VAPA: variants seen among roughly 807,000 people sequenced by gnomAD.
VAPA encodes VAMP associated protein A, also known as vesicle-associated membrane protein-associated protein A.
In VAPA, 6 loss-of-function variants were observed where a neutral mutation model predicts 25.6. The observed-to-expected ratio is 0.23, with a 90% CI of 0.13 to 0.46. VAPA has a LOEUF of 0.46. Ranked by LOEUF, VAPA falls within the 20% of genes least tolerant of loss-of-function variation. The probability of loss-of-function intolerance (pLI) is 0.99; values close to 1 mark genes in which losing one functional copy is unlikely to be tolerated. For missense variants in VAPA, 244 were observed against 302.1 expected, an observed-to-expected ratio of 0.81 and a Z score of 1.43; for synonymous variants, 112 against 106.2, an observed-to-expected ratio of 1.05 and a Z score of -0.34.
chr18:9,954,036 G>T lies in VAPA; in HGVS notation c.592-17G>T. ...GCTTGTTTTTAAAAACCTTTTGTGT[G>T]TGTGTTTTTTTTCTAGGATGAAGGT... On this transcript the variant is annotated splice_polypyrimidine_tract_variant and intron_variant, in intron 5 of 5. Transcript: ENST00000400000. 1 of 1,612,940 alleles carries T rather than the reference G, an allele frequency of 6.2e-7. No homozygotes were observed. The highest frequency in any genetic ancestry group is 1.1e-5 in the South Asian group (1 of 90,918).
intron 4 of VAPA, among the ~76,000 whole-genome samples, chr18:9,947,436 G>A (rs1019044792): frequency 6.6e-6 from 1 of 152,184 alleles, no homozygotes; most frequent in East Asian, 1.9e-4. Flanking sequence ...ACTATCATAT[G>A]TATGAATCAT....
chr18:9,939,399 C>T, intron 4 of VAPA, among the ~76,000 whole-genome samples: 1 of 152,088 alleles, frequency 6.6e-6, no homozygotes, highest in East Asian at 1.9e-4. Flanking sequence ...AGGTGATCCA[C>T]CTGCCTTGGC....
intron 2 of VAPA, among the ~76,000 whole-genome samples, chr18:9,933,495 C>CT (rs1268550496): frequency 6.6e-6 from 1 of 152,204 alleles, no homozygotes; most frequent in Non-Finnish European, 1.5e-5. Context: ...CATGTTGCTG[C>CT]TTTCTACTAC....
At chr18:9,952,955 T>A (rs887601550) in intron 5 of VAPA, among the ~76,000 whole-genome samples, 1 of 152,240 alleles carries the variant, frequency 6.6e-6, no homozygotes, top group Non-Finnish European at 1.5e-5. Context: ...ACTCTTTTAG[T>A]TAGTGTTTAT....
chr18:9,931,733 A>G (rs565486861), intron 1 of VAPA, 77 bp from the exon 2 acceptor site: 31 of 1,277,194 alleles, frequency 2.4e-5, no homozygotes, highest in South Asian at 1.4e-4. Flanking sequence ...TTGAGGTTAT[A>G]TATTTTCAGT....
At chr18:9,935,506 T>C (rs1353006522) in intron 2 of VAPA, among the ~76,000 whole-genome samples, 2 of 152,110 alleles carry the variant, frequency 1.3e-5, no homozygotes, top group African/African-American at 4.8e-5. Flanking sequence ...CCTAGGGAGG[T>C]TGAGGCTACA....
intron 4 of VAPA, chr18:9,947,459 C>A (rs1203589791): frequency 6.6e-6 from 1 of 152,130 alleles, no homozygotes; most frequent in African/African-American, 2.4e-5. Context: ...TTGACCAAAA[C>A]ATCATTATAC....
intron 4 of VAPA, among the ~76,000 whole-genome samples, chr18:9,941,500 A>G (rs1014511287): frequency 1.2e-4 from 19 of 152,186 alleles, no homozygotes; most frequent in South Asian, 4.1e-4. Context: ...GATAAACAAA[A>G]CACCTCTTAA....
At position 9,914,171 on chromosome 18, in the gene VAPA, C is replaced by T. The variant is rs1567889374; in HGVS notation, c.-86C>T. Reference sequence around the variant, plus strand: ...GCGAGCCTGGCCTCGTCCTAGAGCTCGGCCGAGCCGTCGCCGCCGTCGTCC... The same window carrying T: ...GCGAGCCTGGCCTCGTCCTAGAGCTTGGCCGAGCCGTCGCCGCCGTCGTCC... On this transcript the variant is annotated 5_prime_UTR_variant, in exon 1 of 6. Transcript: ENST00000400000. 1 of 1,259,656 alleles carries T rather than the reference C, an allele frequency of 7.9e-7. No individual in the cohort carries two copies. Among genetic ancestry groups the T allele is most frequent in the Non-Finnish European group, 1.1e-6 (1 of 913,240 alleles). 78.0% of individuals were successfully genotyped at this position (1,259,656 alleles called of 1,614,324 possible). A position where few individuals can be genotyped will look rare whatever the true frequency, so the allele number is the denominator to read the frequency against.
intron 5 of VAPA, chr18:9,950,821 C>T (rs533851303): frequency 2.4e-6 from 1 of 409,712 alleles, no homozygotes; most frequent in South Asian, 2.5e-5. Context: ...AGCTTCTGCT[C>T]TTGTTTCTCA....
At chr18:9,926,192 G>A (rs1381903508) in intron 1 of VAPA, among the ~76,000 whole-genome samples, 2 of 152,104 alleles carry the variant, frequency 1.3e-5, no homozygotes, top group African/African-American at 4.8e-5. Flanking sequence ...GTACTATATA[G>A]TATTAATATA....
At chr18:9,951,476 A>T (rs1326505615) in intron 5 of VAPA, 1 of 152,218 alleles carries the variant, frequency 6.6e-6, no homozygotes, top group Admixed American at 6.5e-5. Context: ...CCTTGGTGGC[A>T]AGGGCAGTGC....
intron 2 of VAPA, 29 bp from the exon 3 acceptor site, chr18:9,936,081 A>G: frequency 8.7e-6 from 13 of 1,500,392 alleles, no homozygotes; most frequent in Non-Finnish European, 1.2e-5. Context: ...GCAGGAGACA[A>G]TATAATATAT....
chr18:9,953,858 C>T (rs2069514738), intron 5 of VAPA, among the ~76,000 whole-genome samples, 195 bp from the exon 6 acceptor site: 4 of 152,108 alleles, frequency 2.6e-5, no homozygotes, highest in Admixed American at 2.6e-4. Context: ...ACTTTGTAAC[C>T]ATCACTATAG....
chr18:9,914,659 C>T lies in VAPA; in HGVS notation c.79+324C>T, dbSNP rs975124633. 2.0e-5 allele frequency: 3 copies of T among 150,774 alleles called. No individual in the cohort carries two copies. The East Asian group carries it at 5.8e-4, about 29-fold the overall frequency. The allele number at this position is 150,774 out of a possible 1,614,324, so 9.3% of individuals were successfully genotyped here. A position where few individuals can be genotyped will look rare whatever the true frequency, so the allele number is the denominator to read the frequency against. On this transcript the variant is annotated intron_variant, in intron 1 of 5. Coordinates refer to ENST00000400000, the MANE Select transcript of VAPA (RefSeq NM_194434.3). ...GGCGCCTCCTGGGCGTCCGGTCCCGCCCGCGCCGCGGTCCGCCTGGGCCCG... is the reference window on the plus strand; with the variant it reads ...GGCGCCTCCTGGGCGTCCGGTCCCGTCCGCGCCGCGGTCCGCCTGGGCCCG...
chr18:9,959,467 A>G lies in VAPA; in HGVS notation c.*5256A>G, dbSNP rs759641627. On this transcript the variant is annotated 3_prime_UTR_variant, in exon 6 of 6. Transcript: ENST00000400000. ...TGTGTTACTCTAAGAAGAAGGCTAT[A>G]GAATTTATGGAAATGGCTTATGTAA... 6.6e-6 allele frequency: 1 copy of G among 152,208 alleles called. No individual in the cohort carries two copies. Among genetic ancestry groups the G allele is most frequent in the Non-Finnish European group, 1.5e-5 (1 of 68,012 alleles). 9.4% of individuals were successfully genotyped at this position (152,208 alleles called of 1,614,324 possible). A position where few individuals can be genotyped will look rare whatever the true frequency, so the allele number is the denominator to read the frequency against.
intron 1 of VAPA, among the ~76,000 whole-genome samples, chr18:9,919,954 T>G (rs2069142690): frequency 6.6e-6 from 1 of 152,144 alleles, no homozygotes; most frequent in African/African-American, 2.4e-5. Flanking sequence ...TTGGAGGTGA[T>G]GAAAAGTTAG....
Position 9,959,721 on chromosome 18 carries a change from C to CAAAAAAAAA in VAPA, c.*5528_*5536dup, listed in dbSNP as rs869151923. The CAAAAAAAAA allele has an allele frequency of 1.1e-5, 1 of 93,458 alleles. No individual in the cohort carries two copies. The highest frequency in any genetic ancestry group is 2.1e-5 in the Non-Finnish European group (1 of 48,122). The allele number at this position is 93,458 out of a possible 1,614,324, so 5.8% of individuals were successfully genotyped here. A position where few individuals can be genotyped will look rare whatever the true frequency, so the allele number is the denominator to read the frequency against. Reference sequence around the variant, plus strand: ...AGAGAGTGAGTTACTGACATTGTTCCAAAAAAAAAAAAAAAAAAAAAAAAA... The same window carrying CAAAAAAAAA: ...AGAGAGTGAGTTACTGACATTGTTCCAAAAAAAAAAAAAAAAAAAAAAAAAAAAAAAAAA... On this transcript the variant is annotated 3_prime_UTR_variant, in exon 6 of 6. Coordinates refer to ENST00000400000, the MANE Select transcript of VAPA (RefSeq NM_194434.3).
chr18:9,946,715 G>C (rs1284947111), intron 4 of VAPA, among the ~76,000 whole-genome samples: 1 of 152,016 alleles, frequency 6.6e-6, no homozygotes, highest in Non-Finnish European at 1.5e-5. Context: ...CAGTGAATGA[G>C]TGGTGAGTGA....
Sources: allele counts gnomAD v4.1 joint callset (sites outside exome capture counted in the v4.1 genomes callset), GRCh38; gene constraint gnomAD v4.1.1; transcripts MANE v1.5; gene names NCBI Gene and HGNC (gene_info 2026-07-23, HGNC 2026-07-21).